Variants in DPYD observed in about 807,000 individuals in gnomAD.
The protein encoded by DPYD is dihydropyrimidine dehydrogenase [NADP(+)].
A neutral mutation model predicts 116.2 loss-of-function variants in DPYD; 109 were observed. The ratio of observed to expected loss-of-function variants is 0.94; its 90% CI spans 0.80 to 1.10. DPYD has a LOEUF of 1.10. DPYD is among the 50% of genes least tolerant of loss of function. The probability of loss-of-function intolerance (pLI) is 0.00; values close to 1 mark genes in which losing one functional copy is unlikely to be tolerated. For synonymous variants in DPYD, 440 were observed against 432.0 expected (o/e 1.02, Z -0.23); for missense variants, 1,302 against 1,254.5 (o/e 1.04, Z -0.57).
chr1:97,808,709 C>T (rs1668202229), intron 3 of DPYD, among the ~76,000 whole-genome samples: 1 of 151,668 alleles, frequency 6.6e-6, no homozygotes, highest in Non-Finnish European at 1.5e-5. Context: ...CCAATCTTAC[C>T]AGGTCTTAAA....
intron 3 of DPYD, among the ~76,000 whole-genome samples, chr1:97,780,893 T>C (rs1039965944): frequency 1.3e-5 from 2 of 152,206 alleles, no homozygotes; most frequent in African/African-American, 4.8e-5. Flanking sequence ...GACAATATCA[T>C]ATTTTTAAGA....
At chr1:97,639,203 G>C (rs1215438145) in intron 8 of DPYD, among the ~76,000 whole-genome samples, 3 of 151,890 alleles carry the variant, frequency 2.0e-5, no homozygotes, top group African/African-American at 7.3e-5. Flanking sequence ...ATACAAAACA[G>C]AAATAAGACT....
At chr1:97,611,715 A>AAGTT (rs1264956048) in intron 8 of DPYD, among the ~76,000 whole-genome samples, 2 of 152,038 alleles carry the variant, frequency 1.3e-5, no homozygotes, top group East Asian at 3.9e-4. Context: ...ACTTTCCAGC[A>AAGTT]AGTTAGCTTA....
In DPYD at chr1:97,915,422, T is replaced by C. The variant is rs898146162; in HGVS notation, c.39+5462A>G. On this transcript the variant is annotated intron_variant, in intron 1 of 22. Transcript: ENST00000370192. ...TTGAATGCAGATGTTTCATATGTAC[T>C]AGTGTAACATTTTAATTAAAAGCAA... Among the ~76,000 whole-genome samples the C allele has an allele frequency of 9.2e-5, 14 of 152,302 alleles. No individual in the cohort carries two copies. In the Middle Eastern group the frequency reaches 0.014, roughly 148 times the overall value.
At chr1:97,767,565 A>T (rs1423281124) in intron 3 of DPYD, among the ~76,000 whole-genome samples, 1 of 152,126 alleles carries the variant, frequency 6.6e-6, no homozygotes, top group Non-Finnish European at 1.5e-5. Context: ...ATGAGAGACG[A>T]CAGGGAGAAG....
At position 97,134,017 on chromosome 1, in the gene DPYD, ATATATATATATATAT is replaced by A. The variant is rs1653583016; in HGVS notation, c.2623-35400_2623-35386del. On this transcript the variant is annotated intron_variant, in intron 20 of 22. Transcript: ENST00000370192. ...CTGTTTCAAAAAAAAAAAAAAAAAT[ATATATATATATATAT>A]ATATATATATATATATATATATATA... is the stretch of plus-strand genomic sequence containing the variant. 8.7e-4 allele frequency among the ~76,000 whole-genome samples: 14 copies of A among 16,138 alleles called. 2 individuals are homozygous for A. The highest frequency in any genetic ancestry group is 1.9e-3 in the African/African-American group (13 of 6,682). 10.6% of individuals were successfully genotyped at this position (16,138 alleles called of 152,430 possible). A position where few individuals can be genotyped will look rare whatever the true frequency, so the allele number is the denominator to read the frequency against.
intron 12 of DPYD, among the ~76,000 whole-genome samples, chr1:97,541,730 A>G (rs1165574705): frequency 6.6e-6 from 1 of 152,204 alleles, no homozygotes; most frequent in Non-Finnish European, 1.5e-5. Flanking sequence ...TAACCAACAA[A>G]GTATTAATTT....
chr1:97,254,099 A>G (rs1224444837), intron 18 of DPYD, among the ~76,000 whole-genome samples: 1 of 152,082 alleles, frequency 6.6e-6, no homozygotes, highest in Admixed American at 6.6e-5. Context: ...ATCACTTTTT[A>G]TGCTAAAAAT....
rs372148648 is a variant in DPYD, at chr1:97,192,946, A to G, written c.2622+123T>C. 59 of 1,110,198 alleles carry G rather than the reference A, an allele frequency of 5.3e-5. No individual in the cohort carries two copies. In the African/African-American group the frequency reaches 8.0e-4, roughly 15 times the overall value. The allele number at this position is 1,110,198 out of a possible 1,614,324, so 68.8% of individuals were successfully genotyped here. On this transcript the variant is annotated intron_variant, in intron 20 of 22. Transcript: ENST00000370192. ...GTCTCCTTCAGAAAGAGTCCACTGA[A>G]GAAATCACATCCAGGAGGCACTGTG...
intron 19 of DPYD, among the ~76,000 whole-genome samples, chr1:97,201,812 A>G (rs1659226629): frequency 6.6e-6 from 1 of 152,118 alleles, no homozygotes; most frequent in African/African-American, 2.4e-5. Context: ...TTGAGACAGC[A>G]GGCTCTCTCA....
At chr1:97,817,882 G>C (rs1019666431) in intron 3 of DPYD, among the ~76,000 whole-genome samples, 2 of 151,972 alleles carry the variant, frequency 1.3e-5, no homozygotes, top group African/African-American at 4.8e-5. Flanking sequence ...AATCCTCACA[G>C]TACCAATTTT....
At chr1:97,211,866 A>G (rs1475751392) in intron 19 of DPYD, among the ~76,000 whole-genome samples, 2 of 152,102 alleles carry the variant, frequency 1.3e-5, no homozygotes, top group Non-Finnish European at 2.9e-5. Context: ...CATATCTTAA[A>G]TAAAGGTATT....
intron 13 of DPYD, among the ~76,000 whole-genome samples, chr1:97,486,169 C>A (rs1382406963): frequency 6.6e-6 from 1 of 152,078 alleles, no homozygotes; most frequent in Admixed American, 6.5e-5. Flanking sequence ...AAAGTATAAT[C>A]TTTTTAAATG....
At chr1:97,615,690 C>T (rs1304969874) in intron 8 of DPYD, among the ~76,000 whole-genome samples, 1 of 152,112 alleles carries the variant, frequency 6.6e-6, no homozygotes, top group East Asian at 1.9e-4. Context: ...TGGTATCATT[C>T]CCCATCATGC....
At chr1:97,644,977 T>G (rs1658171960) in intron 8 of DPYD, among the ~76,000 whole-genome samples, 1 of 152,158 alleles carries the variant, frequency 6.6e-6, no homozygotes, top group Admixed American at 6.6e-5. Flanking sequence ...ATAATATATA[T>G]GGTTTTACAT....
At chr1:97,845,464 G>A (rs1393059528) in intron 2 of DPYD, among the ~76,000 whole-genome samples, 1 of 152,182 alleles carries the variant, frequency 6.6e-6, no homozygotes, top group African/African-American at 2.4e-5. Flanking sequence ...TTTCTGCTGA[G>A]AGCTGGACAC....
At chr1:97,785,225 T>C (rs990240543) in intron 3 of DPYD, among the ~76,000 whole-genome samples, 7 of 152,146 alleles carry the variant, frequency 4.6e-5, no homozygotes, top group Admixed American at 4.6e-4. Flanking sequence ...GAACGTTTAA[T>C]AATTATGCAT....
chr1:97,238,936 T>G (rs1421556191), intron 18 of DPYD, among the ~76,000 whole-genome samples: 1 of 152,144 alleles, frequency 6.6e-6, no homozygotes, highest in African/African-American at 2.4e-5. Context: ...AATCCTCCAA[T>G]AAAAATCAAG....
At chr1:97,173,855 A>C (rs1293859312) in intron 20 of DPYD, among the ~76,000 whole-genome samples, 1 of 147,340 alleles carries the variant, frequency 6.8e-6, no homozygotes, top group Non-Finnish European at 1.5e-5. Flanking sequence ...GGAAGTACAA[A>C]GGCAGAAATC....
Sources: allele counts gnomAD v4.1 joint callset (sites outside exome capture counted in the v4.1 genomes callset), GRCh38; gene constraint gnomAD v4.1.1; transcripts MANE v1.5; gene names NCBI Gene and HGNC (gene_info 2026-07-23, HGNC 2026-07-21).